C16orf96: variants seen among roughly 807,000 people sequenced by gnomAD.
The protein encoded by C16orf96 is chromosome 16 open reading frame 96.
C16orf96 carries 108 observed loss-of-function variants against 103.6 expected under a neutral mutation model. That is an observed-to-expected ratio of 1.04 (90% CI 0.89 to 1.22). C16orf96 has a LOEUF of 1.22. C16orf96 is among the 50% of genes most tolerant of loss of function. The probability of loss-of-function intolerance (pLI) is 0.00; values close to 1 mark genes in which losing one functional copy is unlikely to be tolerated. For synonymous variants in C16orf96, 566 were observed against 593.5 expected, an observed-to-expected ratio of 0.95 and a Z score of 0.67; for missense variants, 1,586 against 1,464.2, an observed-to-expected ratio of 1.08 and a Z score of -1.36.
rs114215082 is a variant in C16orf96 at position 4,592,493 on chromosome 16, C to T, written c.2774+126C>T. On this transcript the variant is annotated intron_variant, in intron 11 of 15. Coordinates refer to ENST00000444310, the MANE Select transcript of C16orf96 (RefSeq NM_001145011.2). Reference sequence around the variant, plus strand: ...TGTCTACACATCCATATACAGCATTCTCTCCAGCCATCAAGTCCATACACG... The same window carrying T: ...TGTCTACACATCCATATACAGCATTTTCTCCAGCCATCAAGTCCATACACG... The T allele has an allele frequency of 2.2e-3, 2,556 of 1,139,160 alleles. 34 individuals are homozygous for T. In the African/African-American group the frequency reaches 0.034, roughly 15 times the overall value. The allele number at this position is 1,139,160 out of a possible 1,614,324, so 70.6% of individuals were successfully genotyped here.
At chr16:4,559,677 T>C (rs990258172) in intron 1 of C16orf96, among the ~76,000 whole-genome samples, 1 of 152,172 alleles carries the variant, frequency 6.6e-6, no homozygotes, top group South Asian at 2.1e-4. Context: ...TATATTGACA[T>C]TGTTGTGCAG....
rs55637422 is a variant in C16orf96 at position 4,568,947 on chromosome 16, CG to C, written c.421-2611del. Among the ~76,000 whole-genome samples, 1,292 of 151,606 alleles carry C rather than the reference CG, an allele frequency of 8.5e-3. 8 individuals carry two copies. Among genetic ancestry groups the C allele is most frequent in the Middle Eastern group, 0.021 (6 of 290 alleles). On this transcript the variant is annotated intron_variant, in intron 1 of 15. Coordinates refer to ENST00000444310, the MANE Select transcript of C16orf96 (RefSeq NM_001145011.2). ...ACCCAGGATACTGTTCTTTTTATCT[CG>C]GGTTTTGTTTTTTCGAGATGGAGTC...
At chr16:4,555,698 C>CTT (rs1166481480), upstream of C16orf96, among the ~76,000 whole-genome samples, 25 of 127,266 alleles carry the variant, frequency 2.0e-4, no homozygotes, top group Middle Eastern at 5.3e-3. Flanking sequence ...CTTTTCTTTT[C>CTT]TTTTTTTTTT....
Position 4,575,224 on chromosome 16 carries a change from A to C in C16orf96, c.744A>C (p.Pro248=), listed in dbSNP as rs376258492. Residue 248 remains proline (P), a synonymous_variant, in exon 5 of 16, where the codon CCA becomes CCC. Transcript: ENST00000444310. ...LDLWQSVEQL[P]EAALAQTTKY... Reference sequence around the variant, plus strand: ...TGTGGCAGTCTGTAGAGCAGCTCCCAGAGGCTGCCCTGGCCCAGACCACCA... The same window carrying C: ...TGTGGCAGTCTGTAGAGCAGCTCCCCGAGGCTGCCCTGGCCCAGACCACCA... 9.7e-6 allele frequency: 15 copies of C among 1,548,146 alleles called. No homozygotes were observed. In the African/African-American group the frequency reaches 2.0e-4, roughly 21 times the overall value.
At chr16:4,545,672 T>C in the C16orf96 span, among the ~76,000 whole-genome samples, 1 of 152,138 alleles carries the variant, frequency 6.6e-6, no homozygotes, top group Non-Finnish European at 1.5e-5. Flanking sequence ...CTAGTAACTT[T>C]CCATCCACCA....
upstream of C16orf96, among the ~76,000 whole-genome samples, chr16:4,556,264 C>G (rs939446447): frequency 6.6e-6 from 1 of 152,268 alleles, no homozygotes; most frequent in East Asian, 1.9e-4. Context: ...TGCCCCACTC[C>G]AGACTTTGAA....
chr16:4,571,325 C>G (rs1270708312), intron 1 of C16orf96, among the ~76,000 whole-genome samples: 1 of 152,148 alleles, frequency 6.6e-6, no homozygotes, highest in Non-Finnish European at 1.5e-5. Context: ...ACGAGTAACT[C>G]CTGGTTTCTG....
At chr16:4,569,358 CT>C (rs377174241) in intron 1 of C16orf96, among the ~76,000 whole-genome samples, 1 of 152,288 alleles carries the variant, frequency 6.6e-6, no homozygotes, top group African/African-American at 2.4e-5. Flanking sequence ...CCTTTTGTAA[CT>C]GAGTACCCCC....
intron 1 of C16orf96, among the ~76,000 whole-genome samples, chr16:4,562,319 T>A (rs985462061): frequency 9.2e-5 from 14 of 152,054 alleles, no homozygotes; most frequent in African/African-American, 3.4e-4. Flanking sequence ...TACCAAAAAA[T>A]TTTGAAATTG....
At chr16:4,562,151 A>G (rs1021272260) in intron 1 of C16orf96, among the ~76,000 whole-genome samples, 2 of 152,122 alleles carry the variant, frequency 1.3e-5, no homozygotes, top group African/African-American at 4.8e-5. Context: ...CATGATGCCA[A>G]TGGGGAATCA....
intron 2 of C16orf96, among the ~76,000 whole-genome samples, chr16:4,573,203 C>T (rs1318977030): frequency 1.3e-5 from 2 of 151,880 alleles, no homozygotes; most frequent in African/African-American, 4.8e-5. Flanking sequence ...TTTGGGAAGC[C>T]AAAGCAGGCG....
chr16:4,589,893 G>GC (rs1897017568), intron 9 of C16orf96, among the ~76,000 whole-genome samples: 2 of 149,300 alleles, frequency 1.3e-5, no homozygotes, highest in South Asian at 4.2e-4. Context: ...GGAGGCTGAG[G>GC]CGGGCAGATC....
intron 1 of C16orf96, among the ~76,000 whole-genome samples, chr16:4,559,550 C>A (rs1303042876): frequency 5.0e-5 from 4 of 79,732 alleles, no homozygotes; most frequent in African/African-American, 5.6e-5. Context: ...GACTCCATCT[C>A]AAAAAAAAAA....
upstream of C16orf96, among the ~76,000 whole-genome samples, chr16:4,553,059 A>G (rs972698776): frequency 1.3e-5 from 2 of 152,166 alleles, no homozygotes; most frequent in African/African-American, 4.8e-5. Flanking sequence ...CTATTCTGAA[A>G]GAGCTTCAGG....
intron 5 of C16orf96, 100 bp from the exon 6 acceptor site, chr16:4,578,840 A>G (rs569303278): frequency 2.6e-6 from 2 of 761,894 alleles, no homozygotes; most frequent in African/African-American, 1.7e-5. Flanking sequence ...TCCACTGGGC[A>G]GTGCTGCCTG....
chr16:4,578,929 TCTG>T lies in C16orf96; in HGVS notation c.2156-8_2156-6del, dbSNP rs749766070. The T allele has an allele frequency of 4.1e-4, 641 of 1,550,522 alleles. 1 individual carries two copies. The highest frequency in any genetic ancestry group is 5.0e-4 in the Non-Finnish European group (577 of 1,146,256). On this transcript the variant is annotated splice_polypyrimidine_tract_variant and splice_region_variant and intron_variant, in intron 5 of 15. Coordinates refer to ENST00000444310, the MANE Select transcript of C16orf96 (RefSeq NM_001145011.2). The stretch of plus-strand genomic sequence containing the variant: ...CGAGCCCTCAGCAGCCACCCTGTCC[TCTG>T]CTTTCAGCCAATATGGGAGGTCCTT...
At position 4,594,484 on chromosome 16, in the gene C16orf96, G is replaced by C. The variant is rs1218282396; in HGVS notation, c.3001G>C (p.Asp1001His). The C allele has an allele frequency of 1.3e-6, 2 of 1,551,310 alleles. No homozygotes were observed. Among genetic ancestry groups the C allele is most frequent in the Non-Finnish European group, 1.7e-6 (2 of 1,146,996 alleles). The change falls in exon 13 of 16, where the codon GAT (aspartate) becomes CAT (histidine). Residue 1001 changes from aspartate (D) to histidine (H), a missense_variant. Coordinates refer to ENST00000444310, the MANE Select transcript of C16orf96 (RefSeq NM_001145011.2). Reference protein sequence around the residue: ...CNLLTLYPYGDPHVIDYDSAE... With the variant: ...CNLLTLYPYGHPHVIDYDSAE... Reference sequence around the variant, plus strand: ...CCTGTTGACGCTCTATCCCTACGGGGATCCCCACGTGATCGACTATGACAG... The same window carrying C: ...CCTGTTGACGCTCTATCCCTACGGGCATCCCCACGTGATCGACTATGACAG...
the C16orf96 span, among the ~76,000 whole-genome samples, chr16:4,550,623 C>G: frequency 2.0e-5 from 3 of 152,180 alleles, no homozygotes; most frequent in Non-Finnish European, 4.4e-5. Context: ...TTCATCTCAA[C>G]AAGGAACCTG....
In C16orf96 at chr16:4,580,178, C is replaced by A. The variant is rs1035913831; in HGVS notation, c.2352+53C>A. The A allele has an allele frequency of 5.9e-6, 8 of 1,357,448 alleles. No individual in the cohort carries two copies. In the African/African-American group the frequency reaches 1.2e-4, roughly 21 times the overall value. The allele number at this position is 1,357,448 out of a possible 1,614,324, so 84.1% of individuals were successfully genotyped here. On this transcript the variant is annotated intron_variant, in intron 7 of 15. Coordinates refer to ENST00000444310, the MANE Select transcript of C16orf96 (RefSeq NM_001145011.2). ...GGGCTGGCAAAGGGAGAATTCCTCACCTAGACCTTCTGGCCCTTCCCGAAG... is the reference window on the plus strand; with the variant it reads ...GGGCTGGCAAAGGGAGAATTCCTCAACTAGACCTTCTGGCCCTTCCCGAAG...
Sources: allele counts gnomAD v4.1 joint callset (sites outside exome capture counted in the v4.1 genomes callset), GRCh38; gene constraint gnomAD v4.1.1; transcripts MANE v1.5; gene names NCBI Gene and HGNC (gene_info 2026-07-23, HGNC 2026-07-21).